Variants in EIPR1 observed in about 807,000 individuals in gnomAD.
The protein encoded by EIPR1 is EARP complex and GARP complex interacting protein 1.
EIPR1 carries 25 observed loss-of-function variants against 48.1 expected under a neutral mutation model. That is an observed-to-expected ratio of 0.52 (90% CI 0.38 to 0.73). EIPR1 has a LOEUF of 0.73. Among genes scored for constraint, EIPR1 ranks in the 30% least tolerant of loss-of-function variants. EIPR1 has a pLI of 0.00. For missense variants in EIPR1, 415 were observed against 506.2 expected (o/e 0.82, Z 1.73); for synonymous variants, 204 against 201.9 (o/e 1.01, Z -0.09).
At chr2:3,204,857 G>A (rs565471004) in intron 5 of EIPR1, among the ~76,000 whole-genome samples, 6 of 152,002 alleles carry the variant, frequency 3.9e-5, no homozygotes, top group Middle Eastern at 3.4e-3. Flanking sequence ...ACATGCAGGC[G>A]CACTCCCAGC....
At chr2:3,208,736 C>T (rs750926914) in intron 5 of EIPR1, 37 of 1,548,598 alleles carry the variant, frequency 2.4e-5, no homozygotes, top group Middle Eastern at 1.7e-4. Flanking sequence ...AGGCTCGTGG[C>T]GGGTCCTTCT....
At chr2:3,237,134 CGAG>C (rs1304735466) in intron 4 of EIPR1, among the ~76,000 whole-genome samples, 1 of 150,924 alleles carries the variant, frequency 6.6e-6, no homozygotes, top group Non-Finnish European at 1.5e-5. Context: ...ATGGGGAGGG[CGAG>C]GAGAACTGTC....
intron 3 of EIPR1, among the ~76,000 whole-genome samples, chr2:3,291,870 G>A (rs1042687825): frequency 3.9e-5 from 6 of 152,196 alleles, no homozygotes; most frequent in Non-Finnish European, 5.9e-5. Context: ...GGTCACCTTC[G>A]CATGACCATG....
chr2:3,292,574 G>C (rs1038522849), intron 3 of EIPR1, among the ~76,000 whole-genome samples: 2 of 152,194 alleles, frequency 1.3e-5, no homozygotes, highest in African/African-American at 4.8e-5. Flanking sequence ...TATGAGGAAT[G>C]AGTCTAAGCC....
rs1558274693 is a variant in EIPR1, at chr2:3,287,324, ACTCCAGAAAGCTCGTTCACTGCG to A, written c.260-29892_260-29870del. ...ACACTCCAGAAAGCTCGTTCACCAC[ACTCCAGAAAGCTCGTTCACTGCG>A]CTCCAGAAAGCTCGTTCACTACGCT... On this transcript the variant is annotated intron_variant, in intron 3 of 8. Transcript: ENST00000382125. 6.0e-5 allele frequency among the ~76,000 whole-genome samples: 8 copies of A among 133,616 alleles called. No homozygotes were observed. In the South Asian group the frequency reaches 1.3e-3, roughly 21 times the overall value. The allele number at this position is 133,616 out of a possible 152,430, so 87.7% of individuals were successfully genotyped here.
intron 4 of EIPR1, among the ~76,000 whole-genome samples, chr2:3,249,100 TGGGTAACGAGCGGA>T (rs770031253): frequency 2.2e-4 from 34 of 152,326 alleles, no homozygotes; most frequent in Admixed American, 1.2e-3. Context: ...GCTTTGAGAC[TGGGTAACGAGCGGA>T]GGTTGAAGGA....
chr2:3,243,672 A>T (rs2602755), intron 4 of EIPR1, among the ~76,000 whole-genome samples: 82,487 of 151,984 alleles, frequency 0.54, 22,766 homozygotes, highest in East Asian at 0.74. Flanking sequence ...AATTTTTTTT[A>T]AAAATTTAAA....
intron 4 of EIPR1, among the ~76,000 whole-genome samples, chr2:3,245,534 G>A (rs1319883287): frequency 6.6e-6 from 1 of 152,232 alleles, no homozygotes; most frequent in African/African-American, 2.4e-5. Flanking sequence ...TTTAAATGGA[G>A]ACTTTAAACA....
At chr2:3,237,162 A>G (rs1666431182) in intron 4 of EIPR1, among the ~76,000 whole-genome samples, 2 of 150,710 alleles carry the variant, frequency 1.3e-5, no homozygotes, top group African/African-American at 2.4e-5. Context: ...AAAAACCACA[A>G]ATCATTAACC....
intron 5 of EIPR1, chr2:3,208,595 C>T: frequency 6.4e-7 from 1 of 1,550,662 alleles, no homozygotes; most frequent in South Asian, 1.2e-5. Context: ...CCAAAGTGAG[C>T]TCACTGAGTG....
intron 3 of EIPR1, among the ~76,000 whole-genome samples, chr2:3,285,978 A>C (rs1002016338): frequency 6.6e-6 from 1 of 151,946 alleles, no homozygotes; most frequent in African/African-American, 2.4e-5. Flanking sequence ...CGGGACCCTC[A>C]CTTTGGAAGC....
chr2:3,189,271 CTGTT>C lies in EIPR1; in HGVS notation c.*59_*62del, dbSNP rs1664515491. On this transcript the variant is annotated 3_prime_UTR_variant, in exon 9 of 9. Coordinates refer to ENST00000382125, the MANE Select transcript of EIPR1 (RefSeq NM_003310.5). The surrounding 1 kb of genome is among the most constrained non-coding windows in gnomAD (Gnocchi z 4.6). ...ACGAGTCACCTCCAAAGAGCTGCGA[CTGTT>C]TGAGAATCTGCCAAGAGGAAAACCA... is the stretch of plus-strand genomic sequence containing the variant. 7.0e-7 allele frequency: 1 copy of C among 1,438,286 alleles called. No homozygotes were observed. Among genetic ancestry groups the C allele is most frequent in the Non-Finnish European group, 9.3e-7 (1 of 1,078,104 alleles). 89.1% of individuals were successfully genotyped at this position (1,438,286 alleles called of 1,614,324 possible). A position where few individuals can be genotyped will look rare whatever the true frequency, so the allele number is the denominator to read the frequency against.
chr2:3,196,388 GCT>G (rs1048320970), intron 6 of EIPR1, among the ~76,000 whole-genome samples: 4 of 152,124 alleles, frequency 2.6e-5, no homozygotes, highest in African/African-American at 7.2e-5. Flanking sequence ...CGGAAAACTC[GCT>G]CTTATTTGTT....
chr2:3,268,085 C>T (rs1446466775), intron 3 of EIPR1, among the ~76,000 whole-genome samples: 5 of 152,190 alleles, frequency 3.3e-5, no homozygotes, highest in Non-Finnish European at 7.4e-5. Context: ...TGCAGGGAAG[C>T]GTGGCCCCAG....
intron 3 of EIPR1, among the ~76,000 whole-genome samples, chr2:3,300,129 T>C (rs1668723735): frequency 6.6e-6 from 1 of 152,194 alleles, no homozygotes. Context: ...ATTTCAGCAA[T>C]TTCATATAAT....
intron 4 of EIPR1, among the ~76,000 whole-genome samples, chr2:3,256,424 G>A (rs978372928): frequency 3.9e-5 from 6 of 152,162 alleles, no homozygotes; most frequent in African/African-American, 1.2e-4. Flanking sequence ...CATGACTCTC[G>A]GAGGCCGGGC....
chr2:3,314,024 C>G (rs1341569136), intron 3 of EIPR1, among the ~76,000 whole-genome samples: 2 of 152,162 alleles, frequency 1.3e-5, no homozygotes, highest in East Asian at 3.9e-4. Context: ...ACCCAGCCCC[C>G]CTCTCACGCT....
intron 3 of EIPR1, among the ~76,000 whole-genome samples, chr2:3,324,990 G>A (rs1302250351): frequency 1.3e-5 from 2 of 152,356 alleles, no homozygotes; most frequent in African/African-American, 4.8e-5. Context: ...CCAAAGAACG[G>A]CCTCCAGGGG....
At chr2:3,229,332 G>T (rs1360722398) in intron 4 of EIPR1, among the ~76,000 whole-genome samples, 1 of 152,188 alleles carries the variant, frequency 6.6e-6, no homozygotes, top group Non-Finnish European at 1.5e-5. Flanking sequence ...TCCTAACACA[G>T]TTGTTCTCTC....
Sources: allele counts gnomAD v4.1 joint callset (sites outside exome capture counted in the v4.1 genomes callset), GRCh38; gene constraint gnomAD v4.1.1; non-coding constraint Gnocchi (gnomAD v3.1); transcripts MANE v1.5; gene names NCBI Gene and HGNC (gene_info 2026-07-23, HGNC 2026-07-21).